Variants in FIBCD1 observed in about 807,000 individuals in gnomAD.
FIBCD1 encodes the protein fibrinogen C domain-containing protein 1.
In FIBCD1, 47 loss-of-function variants were observed where a neutral mutation model predicts 45.1. The ratio of observed to expected loss-of-function variants is 1.04; its 90% CI spans 0.82 to 1.33. FIBCD1 has a LOEUF of 1.33. FIBCD1 is among the 40% of genes most tolerant of loss of function. The probability of loss-of-function intolerance (pLI) is 0.00; values close to 1 mark genes in which losing one functional copy is unlikely to be tolerated. For missense variants in FIBCD1, 653 were observed against 682.2 expected (o/e 0.96, Z 0.48); for synonymous variants, 313 against 308.1 (o/e 1.02, Z -0.17).
At chr9:130,925,479 G>T (rs1418650256) in intron 2 of FIBCD1, among the ~76,000 whole-genome samples, 1 of 152,172 alleles carries the variant, frequency 6.6e-6, no homozygotes, top group Non-Finnish European at 1.5e-5. Flanking sequence ...CACTAGCTGC[G>T]TGACCCCGGA....
chr9:130,921,822 C>T (rs767195990), intron 4 of FIBCD1, among the ~76,000 whole-genome samples: 6 of 152,220 alleles, frequency 3.9e-5, no homozygotes, highest in Non-Finnish European at 5.9e-5. Context: ...AGCTTTTATC[C>T]CCCAGACGCA....
chr9:130,928,686 G>C (rs780059752), intron 2 of FIBCD1, among the ~76,000 whole-genome samples: 3 of 152,152 alleles, frequency 2.0e-5, no homozygotes, highest in African/African-American at 4.8e-5. Flanking sequence ...GGGCGCCCGT[G>C]GGGGCAGGGG....
At chr9:130,937,366 C>T (rs1376510989) in intron 1 of FIBCD1, among the ~76,000 whole-genome samples, 1 of 152,200 alleles carries the variant, frequency 6.6e-6, no homozygotes, top group Non-Finnish European at 1.5e-5. Flanking sequence ...TGTTCCGAAC[C>T]TCTCTGATCC....
chr9:130,905,989 C>T (rs185637517), intron 5 of FIBCD1, among the ~76,000 whole-genome samples: 79 of 152,286 alleles, frequency 5.2e-4, no homozygotes, highest in Middle Eastern at 3.4e-3. Context: ...CCCACCAGTG[C>T]GGAATTCCCG....
At position 130,935,864 on chromosome 9, in the gene FIBCD1, T is replaced by A. The variant is rs548188984; in HGVS notation, c.72+2672A>T. 3.9e-5 allele frequency among the ~76,000 whole-genome samples: 6 copies of A among 152,336 alleles called. No individual in the cohort carries two copies. The East Asian group carries it at 1.2e-3, about 29-fold the overall frequency. ...GCTGTGACTAAGAAATGAATCTTAG[T>A]CGTGGCCTGTGACCTACTGGTGCTT... On this transcript the variant is annotated intron_variant, in intron 1 of 6. Transcript: ENST00000372338.
rs552823812 is a variant in FIBCD1, at chr9:130,907,621, T to C, written c.947-2208A>G. ...ACACTAGAAAAACAGAAGAAAAGCC[T>C]GGGCGCGGTGGCTTACGCCTGTAAT... is the stretch of plus-strand genomic sequence containing the variant. On this transcript the variant is annotated intron_variant, in intron 5 of 6. Transcript: ENST00000372338. Among the ~76,000 whole-genome samples, 138 of 152,208 alleles carry C rather than the reference T, an allele frequency of 9.1e-4. 1 individual carries two copies. The highest frequency in any genetic ancestry group is 3.3e-3 in the African/African-American group (136 of 41,542).
At chr9:130,933,490 C>T (rs1832471553) in intron 1 of FIBCD1, among the ~76,000 whole-genome samples, 1 of 152,196 alleles carries the variant, frequency 6.6e-6, no homozygotes, top group Non-Finnish European at 1.5e-5. Flanking sequence ...CCACTTCTGC[C>T]ACTGACCACT....
At chr9:130,912,893 A>C (rs2133081472) in intron 4 of FIBCD1, among the ~76,000 whole-genome samples, 1 of 152,160 alleles carries the variant, frequency 6.6e-6, no homozygotes, top group African/African-American at 2.4e-5. Flanking sequence ...AGCACCCCCC[A>C]CACACCCCAG....
intron 1 of FIBCD1, among the ~76,000 whole-genome samples, chr9:130,937,351 G>C (rs1832533588): frequency 6.6e-6 from 1 of 152,284 alleles, no homozygotes; most frequent in Non-Finnish European, 1.5e-5. Flanking sequence ...TGTGTGACTT[G>C]GGCATGTTCC....
rs142330253 is a variant in FIBCD1 at position 130,922,929 on chromosome 9, C to G, written c.849+815G>C. Among the ~76,000 whole-genome samples, 1 of 152,312 alleles carries G rather than the reference C, an allele frequency of 6.6e-6. No homozygotes were observed. The highest frequency in any genetic ancestry group is 2.4e-5 in the African/African-American group (1 of 41,566). ...CTTTAATGGCTCATGAGAAATGCCCCCTTCTCCAGGAAGCTTTACCCTCCC... is the reference window on the plus strand; with the variant it reads ...CTTTAATGGCTCATGAGAAATGCCCGCTTCTCCAGGAAGCTTTACCCTCCC... On this transcript the variant is annotated intron_variant, in intron 4 of 6. Transcript: ENST00000372338. This position sits in a 1 kb window ranked among gnomAD's most constrained non-coding sequence, Gnocchi z 4.5.
intron 5 of FIBCD1, among the ~76,000 whole-genome samples, chr9:130,908,374 T>C (rs1477295030): frequency 2.6e-5 from 4 of 152,184 alleles, no homozygotes; most frequent in African/African-American, 9.7e-5. Flanking sequence ...TAAGATACCA[T>C]GAGCACGGGC....
chr9:130,936,015 C>G (rs543705501), intron 1 of FIBCD1, among the ~76,000 whole-genome samples: 2 of 152,212 alleles, frequency 1.3e-5, no homozygotes, highest in Non-Finnish European at 2.9e-5. Context: ...GACCGGGACA[C>G]AGCCAGCCTG....
chr9:130,916,644 GA>G (rs1166590366), intron 4 of FIBCD1, among the ~76,000 whole-genome samples: 1 of 152,274 alleles, frequency 6.6e-6, no homozygotes, highest in African/African-American at 2.4e-5. Context: ...GGACCTTGGT[GA>G]CGCCAGATGC....
intron 2 of FIBCD1, among the ~76,000 whole-genome samples, chr9:130,927,215 C>T (rs1832375934): frequency 6.7e-6 from 1 of 149,358 alleles, no homozygotes; most frequent in Non-Finnish European, 1.5e-5. Context: ...TGCTCTCTAG[C>T]ATGGGTGACG....
intron 5 of FIBCD1, among the ~76,000 whole-genome samples, chr9:130,911,532 T>G (rs1832047357): frequency 6.6e-6 from 1 of 152,258 alleles, no homozygotes; most frequent in African/African-American, 2.4e-5. Context: ...CGGCAGGAAG[T>G]GGCCTCCAAG....
At chr9:130,916,357 A>T (rs1161807053) in intron 4 of FIBCD1, among the ~76,000 whole-genome samples, 1 of 152,236 alleles carries the variant, frequency 6.6e-6, no homozygotes, top group Non-Finnish European at 1.5e-5. Flanking sequence ...GGAACCACTG[A>T]CAGCCTTTGC....
upstream of FIBCD1, among the ~76,000 whole-genome samples, chr9:130,940,364 C>G (rs544890766): frequency 2.6e-5 from 4 of 152,232 alleles, no homozygotes; most frequent in African/African-American, 7.2e-5. Context: ...ACCTACGGCC[C>G]GATCCCGGCT....
chr9:130,909,069 A>C (rs375320361), intron 5 of FIBCD1, among the ~76,000 whole-genome samples: 2 of 152,150 alleles, frequency 1.3e-5, no homozygotes, highest in East Asian at 3.9e-4. Context: ...CCCGCCAGGC[A>C]CGCAGGCCCA....
rs1446767668 is a variant in FIBCD1, at chr9:130,922,223, C to T, written c.849+1521G>A. On this transcript the variant is annotated intron_variant, in intron 4 of 6. Transcript: ENST00000372338. The surrounding 1 kb of genome is among the most constrained non-coding windows in gnomAD (Gnocchi z 4.5). ...CACCAAGATCCCAGGCGAGATGCGTCCCGCACTCAGTGGCAGCAGCCCTGG... is the reference window on the plus strand; with the variant it reads ...CACCAAGATCCCAGGCGAGATGCGTTCCGCACTCAGTGGCAGCAGCCCTGG... Among the ~76,000 whole-genome samples, 1 of 152,246 alleles carries T rather than the reference C, an allele frequency of 6.6e-6. No homozygotes were observed. The highest frequency in any genetic ancestry group is 1.5e-5 in the Non-Finnish European group (1 of 68,044).
Sources: allele counts gnomAD v4.1 joint callset (sites outside exome capture counted in the v4.1 genomes callset), GRCh38; gene constraint gnomAD v4.1.1; non-coding constraint Gnocchi (gnomAD v3.1); transcripts MANE v1.5; gene names NCBI Gene and HGNC (gene_info 2026-07-23, HGNC 2026-07-21).